The following YLPM1 variants were observed in gnomAD, a reference collection of about 807,000 sequenced individuals.
YLPM1 encodes YLP motif containing 1.
YLPM1 carries 99 observed loss-of-function variants against 230.0 expected under a neutral mutation model. The ratio of observed to expected loss-of-function variants is 0.43; its 90% confidence interval spans 0.37 to 0.51. The LOEUF (loss-of-function observed/expected upper bound fraction) is 0.51. YLPM1 is among the 20% of genes least tolerant of loss of function. The pLI, the probability that YLPM1 is intolerant of heterozygous loss-of-function variation, is 0.00. For missense variants in YLPM1, 2,592 were observed against 2,707.7 expected, an observed-to-expected ratio of 0.96 and a Z score of 0.95; for synonymous variants, 984 against 942.5, an observed-to-expected ratio of 1.04 and a Z score of -0.81.
intron 18 of YLPM1, chr14:74,828,160 CT>C (rs2091580649): frequency 3.9e-6 from 1 of 257,192 alleles, no homozygotes; most frequent in East Asian, 1.8e-4. Context: ...TTTCATTGCA[CT>C]TTTCATACCA....
chr14:74,802,523 T>G (rs1471387972), intron 5 of YLPM1, 33 bp from the exon 6 acceptor site: 1 of 1,598,796 alleles, frequency 6.3e-7, no homozygotes, highest in South Asian at 1.1e-5. Context: ...ATAAGCATGC[T>G]TTATGTACTA....
At chr14:74,769,632 C>T (rs1310627537) in intron 1 of YLPM1, among the ~76,000 whole-genome samples, 3 of 151,288 alleles carry the variant, frequency 2.0e-5, no homozygotes, top group Non-Finnish European at 4.4e-5. Context: ...ACCATCTTGG[C>T]CAGGCTGGTC....
At chr14:74,797,148 ATTTT>A (rs71303895) in intron 4 of YLPM1, among the ~76,000 whole-genome samples, 11 of 100,780 alleles carry the variant, frequency 1.1e-4, no homozygotes, top group Non-Finnish European at 1.5e-4. Context: ...AAATTTTTGT[ATTTT>A]TTTTTTTTTT....
At chr14:74,830,324 T>C (rs994663856) in intron 19 of YLPM1, among the ~76,000 whole-genome samples, 1 of 152,190 alleles carries the variant, frequency 6.6e-6, no homozygotes, top group Non-Finnish European at 1.5e-5. Context: ...GAAGCTAGGA[T>C]ATTAGATAGG....
At chr14:74,814,462 T>C (rs995999510) in intron 11 of YLPM1, among the ~76,000 whole-genome samples, 5 of 152,234 alleles carry the variant, frequency 3.3e-5, no homozygotes, top group African/African-American at 1.2e-4. Context: ...AATGTTTTTA[T>C]CATGAGAGGA....
At chr14:74,796,803 CAA>C (rs2091265676) in intron 4 of YLPM1, among the ~76,000 whole-genome samples, 1 of 148,322 alleles carries the variant, frequency 6.7e-6, no homozygotes, top group African/African-American at 2.5e-5. Flanking sequence ...CTAGCTCTAA[CAA>C]TATTTATAAT....
Position 74,802,603 on chromosome 14 carries a change from C to T in YLPM1, c.4448C>T (p.Pro1483Leu). The part of the protein sequence containing the change: ...LQKMKDFGSE[P>L]QMADHLPPQE... ...AAGATGAAAGACTTCGGGTCTGAGCCACAGATGGCTGACCATCTACCACCT... is the reference window on the plus strand; with the variant it reads ...AAGATGAAAGACTTCGGGTCTGAGCTACAGATGGCTGACCATCTACCACCT... Residue 1483 changes from proline to leucine, a missense_variant, in exon 6 of 21, where the codon CCA (proline) becomes CTA (leucine). By Grantham distance (98) the Pro-to-Leu change is moderately conservative. Coordinates refer to ENST00000325680, the MANE Select transcript of YLPM1 (RefSeq NM_019589.3). 2 of 1,613,284 alleles carry T rather than the reference C, an allele frequency of 1.2e-6. No homozygotes were observed.
At position 74,816,668 on chromosome 14, in the gene YLPM1, C is replaced by T; in HGVS notation, c.5663C>T (p.Ser1888Phe). 1 of 1,612,970 alleles carries T rather than the reference C, an allele frequency of 6.2e-7. No homozygotes were observed. Among genetic ancestry groups the T allele is most frequent in the African/African-American group, 1.3e-5 (1 of 74,970 alleles). ...GAAAAAGAAGAAAAAGATCCAGATT[C>T]TGGAAAGAAAGTGAAAAAGAAGGTA... Reference protein sequence around the residue: ...EVEKEEKDPDSGKKVKKKVME... With the variant: ...EVEKEEKDPDFGKKVKKKVME... Residue 1888 changes from serine to phenylalanine, a missense_variant, in exon 13 of 21, where the codon TCT (serine) becomes TTT (phenylalanine). Physicochemically the swap from Ser to Phe is radical, Grantham distance 155. Coordinates refer to ENST00000325680, the MANE Select transcript of YLPM1 (RefSeq NM_019589.3).
At chr14:74,792,228 G>A (rs1002149335) in intron 4 of YLPM1, among the ~76,000 whole-genome samples, 17 of 152,000 alleles carry the variant, frequency 1.1e-4, no homozygotes, top group Admixed American at 1.1e-3. Context: ...GCCCATTATA[G>A]CTCTGCCAAG....
intron 11 of YLPM1, among the ~76,000 whole-genome samples, chr14:74,815,151 C>T (rs1353840126): frequency 6.6e-6 from 1 of 152,242 alleles, no homozygotes; most frequent in African/African-American, 2.4e-5. Flanking sequence ...CCTCCTGCCT[C>T]AGCCTCCTGA....
At chr14:74,796,720 G>A (rs1225289475) in intron 4 of YLPM1, among the ~76,000 whole-genome samples, 1 of 150,582 alleles carries the variant, frequency 6.6e-6, no homozygotes, top group Non-Finnish European at 1.5e-5. Flanking sequence ...TAAAATGTCA[G>A]AACCTACTCT....
chr14:74,782,076 G>C lies in YLPM1; in HGVS notation c.2033G>C (p.Gly678Ala). The change falls in exon 4 of 21, where the codon GGT (glycine) becomes GCT (alanine). Residue 678 changes from glycine to alanine, a missense_variant. Gly to Ala is a moderately conservative substitution (Grantham distance 60). This residue lies in a region of YLPM1 where 1,862 missense variants were observed against 1,819.8 expected (regional missense o/e 1.02). Transcript: ENST00000325680. ...CTGCTTCCTACTCCTGTGTCTTTTGGTTCTGCCCCACCGACAACTTACCAT... is the reference window on the plus strand; with the variant it reads ...CTGCTTCCTACTCCTGTGTCTTTTGCTTCTGCCCCACCGACAACTTACCAT... ...PALLPTPVSF[G>A]SAPPTTYHPP... 1 of 1,613,878 alleles carries C rather than the reference G, an allele frequency of 6.2e-7. No homozygotes were observed. The highest frequency in any genetic ancestry group is 8.5e-7 in the Non-Finnish European group (1 of 1,179,864).
intron 4 of YLPM1, among the ~76,000 whole-genome samples, chr14:74,791,085 T>TA (rs541184320): frequency 5.8e-4 from 88 of 152,058 alleles, no homozygotes; most frequent in Non-Finnish European, 7.6e-4. Context: ...CTACCAAAAA[T>TA]ACAAAAATTA....
rs943762156 is a variant in YLPM1 at position 74,772,427 on chromosome 14, G to T, written c.874-6020G>T. ...CTGAAGTGCAGTGGCGCGAGGATCT[G>T]GGCTCACTGCAACCTCCGCCTCCCA... On this transcript the variant is annotated intron_variant, in intron 1 of 20. Coordinates refer to ENST00000325680, the MANE Select transcript of YLPM1 (RefSeq NM_019589.3). Among the ~76,000 whole-genome samples the T allele has an allele frequency of 2.7e-5, 4 of 150,672 alleles. No individual in the cohort carries two copies. The East Asian group carries it at 7.8e-4, about 29-fold the overall frequency.
chr14:74,784,281 T>G (rs1226680488), intron 4 of YLPM1, among the ~76,000 whole-genome samples: 1 of 152,210 alleles, frequency 6.6e-6, no homozygotes, highest in Admixed American at 6.5e-5. Flanking sequence ...CAGAAGAAAA[T>G]AACTTCTCAA....
intron 4 of YLPM1, among the ~76,000 whole-genome samples, chr14:74,791,449 G>T (rs891183732): frequency 3.3e-5 from 5 of 152,156 alleles, no homozygotes; most frequent in Non-Finnish European, 4.4e-5. Flanking sequence ...CAACCCTTCT[G>T]CCATGTCCTC....
At chr14:74,774,103 T>C (rs1165744935) in intron 1 of YLPM1, among the ~76,000 whole-genome samples, 1 of 152,166 alleles carries the variant, frequency 6.6e-6, no homozygotes, top group Non-Finnish European at 1.5e-5. Flanking sequence ...ATAAACCCAT[T>C]GTAAGTTGAG....
intron 10 of YLPM1, 66 bp from the exon 11 acceptor site, chr14:74,812,562 G>C: frequency 6.7e-7 from 1 of 1,497,024 alleles, no homozygotes; most frequent in East Asian, 2.4e-5. Flanking sequence ...AGGATGTGTG[G>C]GGAGAGTTGA....
Position 74,837,038 on chromosome 14 carries a change from C to T in YLPM1, c.*1300C>T, listed in dbSNP as rs1349879149. The T allele has an allele frequency of 6.6e-6, 1 of 152,144 alleles. No homozygotes were observed. The allele number at this position is 152,144 out of a possible 1,614,324, so 9.4% of individuals were successfully genotyped here. A position where few individuals can be genotyped will look rare whatever the true frequency, so the allele number is the denominator to read the frequency against. On this transcript the variant is annotated 3_prime_UTR_variant, in exon 21 of 21. Coordinates refer to ENST00000325680, the MANE Select transcript of YLPM1 (RefSeq NM_019589.3). The stretch of plus-strand genomic sequence containing the variant: ...AGACTTCAATATTTTGAAATATTCT[C>T]TTTCAGGCCACAGATGAAAATCCTT...
Sources: allele counts gnomAD v4.1 joint callset (sites outside exome capture counted in the v4.1 genomes callset), GRCh38; gene constraint gnomAD v4.1.1; regional missense constraint gnomAD v4.1.1; transcripts MANE v1.5; gene names NCBI Gene and HGNC (gene_info 2026-07-23, HGNC 2026-07-21).